Variants in BRPF3 observed in about 807,000 individuals in gnomAD.
BRPF3 encodes bromodomain and PHD finger containing 3.
Under a neutral mutation model 102.0 loss-of-function variants are expected in BRPF3, and 18 were observed. The ratio of observed to expected loss-of-function variants is 0.18; its 90% confidence interval spans 0.12 to 0.26. The LOEUF is 0.26. Ranked by LOEUF, BRPF3 falls within the 10% of genes least tolerant of loss-of-function variation. The pLI, the probability that BRPF3 is intolerant of heterozygous loss-of-function variation, is 1.00. For synonymous variants in BRPF3, 570 were observed against 614.2 expected (o/e 0.93, Z 1.06); for missense variants, 1,147 against 1,567.8 (o/e 0.73, Z 4.53).
chr6:36,212,955 G>A (rs756605061), intron 7 of BRPF3, among the ~76,000 whole-genome samples: 73 of 150,632 alleles, frequency 4.8e-4, no homozygotes, highest in Admixed American at 7.9e-4. Context: ...GCGAGACTCC[G>A]TCTCAAAAAA....
intron 3 of BRPF3, 85 bp from the exon 4 acceptor site, chr6:36,207,228 C>T: frequency 6.5e-7 from 1 of 1,533,888 alleles, no homozygotes; most frequent in Non-Finnish European, 8.8e-7. Context: ...AAGACTTTTA[C>T]CTGCTGCAGC....
chr6:36,201,604 G>A lies in BRPF3; in HGVS notation c.1282G>A (p.Glu428Lys). The change falls in exon 2 of 13, where the codon GAA becomes AAA. Residue 428 changes from glutamate to lysine, a missense_variant. Around this residue, in one of 11 missense-constraint regions of BRPF3, gnomAD observed 157 missense variants for 163.6 expected, o/e 0.96. Coordinates refer to ENST00000357641, the MANE Select transcript of BRPF3 (RefSeq NM_015695.3). This position sits in a 1 kb window ranked among gnomAD's most constrained non-coding sequence, Gnocchi z 5.1. ...GEEEEEEEVE[E>K]EEQEAQGGVS... Reference sequence around the variant, plus strand: ...GGAGGAAGAAGAGGAAGAGGTGGAGGAAGAAGAGCAGGAAGCTCAAGGCGG... The same window carrying A: ...GGAGGAAGAAGAGGAAGAGGTGGAGAAAGAAGAGCAGGAAGCTCAAGGCGG... The A allele has an allele frequency of 6.2e-7, 1 of 1,614,126 alleles. No individual in the cohort carries two copies.
Position 36,214,173 on chromosome 6 carries a change from C to T in BRPF3, c.2776C>T (p.Arg926Cys), listed in dbSNP as rs1768237752. 6 of 1,614,188 alleles carry T rather than the reference C, an allele frequency of 3.7e-6. No homozygotes were observed. The highest frequency in any genetic ancestry group is 5.1e-6 in the Non-Finnish European group (6 of 1,180,038). The change falls in exon 8 of 13, where the codon CGC (arginine) becomes TGC (cysteine). Residue 926 changes from arginine (R) to cysteine (C), a missense_variant. Arg to Cys is a radical substitution (Grantham distance 180). Around this residue, in one of 11 missense-constraint regions of BRPF3, gnomAD observed 379 missense variants for 426.3 expected, o/e 0.89. Transcript: ENST00000357641. ...AGTPLSGVGR[R>C]TSVLFKKAKN... ...TACCCCACTTAGTGGTGTGGGTCGC[C>T]GCACATCAGTCCTCTTCAAGAAGGC... is the stretch of plus-strand genomic sequence containing the variant.
chr6:36,208,221 GTGTCTACTGCACA>G (rs1315719248), intron 4 of BRPF3, among the ~76,000 whole-genome samples: 1 of 152,188 alleles, frequency 6.6e-6, no homozygotes, highest in Non-Finnish European at 1.5e-5. Flanking sequence ...CTTCTCTGAA[GTGTCTACTGCACA>G]TGGCAGAGAG....
chr6:36,204,346 C>T (rs1767828504), intron 2 of BRPF3: 1 of 360,960 alleles, frequency 2.8e-6, no homozygotes, highest in African/African-American at 2.1e-5. Flanking sequence ...GAGGCATAGG[C>T]TTGTTTTTCA....
chr6:36,212,946 C>T (rs1422571709), intron 7 of BRPF3, among the ~76,000 whole-genome samples: 4 of 150,310 alleles, frequency 2.7e-5, no homozygotes, highest in Non-Finnish European at 5.9e-5. Flanking sequence ...GGCGACAGAG[C>T]GAGACTCCGT....
intron 4 of BRPF3, among the ~76,000 whole-genome samples, 177 bp from the exon 5 acceptor site, chr6:36,209,610 G>A (rs768703230): frequency 2.6e-4 from 39 of 152,196 alleles, no homozygotes; most frequent in Non-Finnish European, 1.3e-4. Context: ...AATAGTAGCT[G>A]TTGGTGTCAT....
At chr6:36,218,706 G>A (rs1768422958) in intron 9 of BRPF3, among the ~76,000 whole-genome samples, 1 of 152,074 alleles carries the variant, frequency 6.6e-6, no homozygotes, top group Non-Finnish European at 1.5e-5. Context: ...TGATCTGCCC[G>A]CCGCAGCATC....
At chr6:36,205,488 A>G (rs540473453) in intron 3 of BRPF3, among the ~76,000 whole-genome samples, 1 of 152,212 alleles carries the variant, frequency 6.6e-6, no homozygotes, top group Non-Finnish European at 1.5e-5. Flanking sequence ...CTCCTGAAGT[A>G]TAAGCCTGTA....
rs1357450279 is a variant in BRPF3 at position 36,200,082 on chromosome 6, AAAGTGGTCAGAG to A, written c.-26-211_-26-200del. Among the ~76,000 whole-genome samples, 3 of 152,250 alleles carry A rather than the reference AAAGTGGTCAGAG, an allele frequency of 2.0e-5. No homozygotes were observed. Among genetic ancestry groups the A allele is most frequent in the African/African-American group, 7.2e-5 (3 of 41,468 alleles). The stretch of plus-strand genomic sequence containing the variant: ...AGGAAAAGGATTTGCAATTTTAGAT[AAAGTGGTCAGAG>A]AAGGTCTCACTGAGAAGTGTTGTTC... On this transcript the variant is annotated intron_variant, in intron 1 of 12. Transcript: ENST00000357641. The surrounding 1 kb of genome is among the most constrained non-coding windows in gnomAD (Gnocchi z 5.3).
chr6:36,230,218 C>T lies in BRPF3; in HGVS notation c.3435-208C>T, dbSNP rs1016265701. Among the ~76,000 whole-genome samples, 1 of 152,034 alleles carries T rather than the reference C, an allele frequency of 6.6e-6. No homozygotes were observed. The highest frequency in any genetic ancestry group is 2.4e-5 in the African/African-American group (1 of 41,402). ...CCTAGCTGCAAAATTGATTCCATGC[C>T]ATTCCCCCACCCGACTCCTGCATAT... On this transcript the variant is annotated intron_variant, in intron 12 of 12. Transcript: ENST00000357641. This position sits in a 1 kb window ranked among gnomAD's most constrained non-coding sequence, Gnocchi z 5.4.
At chr6:36,208,430 G>A (rs912947031) in intron 4 of BRPF3, among the ~76,000 whole-genome samples, 1 of 152,134 alleles carries the variant, frequency 6.6e-6, no homozygotes, top group African/African-American at 2.4e-5. Flanking sequence ...GAGTCCAGGA[G>A]TTTGAGATGA....
Position 36,210,547 on chromosome 6 carries a change from T to C in BRPF3, c.2179+19T>C. 6.4e-7 allele frequency: 1 copy of C among 1,564,284 alleles called. No individual in the cohort carries two copies. The highest frequency in any genetic ancestry group is 1.2e-5 in the South Asian group (1 of 85,112). On this transcript the variant is annotated intron_variant, in intron 6 of 12. Coordinates refer to ENST00000357641, the MANE Select transcript of BRPF3 (RefSeq NM_015695.3). The surrounding 1 kb of genome is among the most constrained non-coding windows in gnomAD (Gnocchi z 4.7). ...GAAGACGGTGAGAGGCCTGGATGGGTGGGGAGGAGAGGGGCCAGGAGGAGG... is the reference window on the plus strand; with the variant it reads ...GAAGACGGTGAGAGGCCTGGATGGGCGGGGAGGAGAGGGGCCAGGAGGAGG...
At chr6:36,205,480 C>T (rs555119241) in intron 3 of BRPF3, among the ~76,000 whole-genome samples, 9 of 152,296 alleles carry the variant, frequency 5.9e-5, no homozygotes, top group Admixed American at 5.9e-4. Context: ...TAACTAAACT[C>T]CTGAAGTATA....
chr6:36,201,737 C>G lies in BRPF3; in HGVS notation c.1415C>G (p.Pro472Arg). 5 of 1,611,654 alleles carry G rather than the reference C, an allele frequency of 3.1e-6. No homozygotes were observed. The highest frequency in any genetic ancestry group is 4.2e-6 in the Non-Finnish European group (5 of 1,178,666). ...GGCCAAGACACACCCTCCACTCTCC[C>G]CATGCTTGCTGTCCCACAGATACCC... ...EAGQDTPSTL[P>R]MLAVPQIPSY... is the part of the protein sequence containing the mutation. The change falls in exon 2 of 13, where the codon CCC (proline) becomes CGC (arginine). Residue 472 changes from proline (P) to arginine (R), a missense_variant. Physicochemically the swap from Pro to Arg is moderately radical, Grantham distance 103. Coordinates refer to ENST00000357641, the MANE Select transcript of BRPF3 (RefSeq NM_015695.3). The surrounding 1 kb of genome is among the most constrained non-coding windows in gnomAD (Gnocchi z 5.1).
In BRPF3 at chr6:36,196,874, A is replaced by G. The variant is rs1161993545; in HGVS notation, c.-123A>G. 1 of 151,500 alleles carries G rather than the reference A, an allele frequency of 6.6e-6. No individual in the cohort carries two copies. Among genetic ancestry groups the G allele is most frequent in the Non-Finnish European group, 1.5e-5 (1 of 67,594 alleles). 9.4% of individuals were successfully genotyped at this position (151,500 alleles called of 1,614,324 possible). A position where few individuals can be genotyped will look rare whatever the true frequency, so the allele number is the denominator to read the frequency against. On this transcript the variant is annotated 5_prime_UTR_variant, in exon 1 of 13. Coordinates refer to ENST00000357641, the MANE Select transcript of BRPF3 (RefSeq NM_015695.3). ...AGGCCACGGAGGCAGGCGCGGGAGA[A>G]GACCGCGCTCCGCTTCCCGGGCCGC...
chr6:36,209,697 A>C, intron 4 of BRPF3, 90 bp from the exon 5 acceptor site: 3 of 1,506,154 alleles, frequency 2.0e-6, no homozygotes, highest in Non-Finnish European at 2.7e-6. Context: ...TTGTTGTACA[A>C]GATTGGTAAA....
In BRPF3 at chr6:36,201,149, G is replaced by A; in HGVS notation, c.827G>A (p.Gly276Asp). 6.2e-7 allele frequency: 1 copy of A among 1,614,142 alleles called. No homozygotes were observed. Among genetic ancestry groups the A allele is most frequent in the Non-Finnish European group, 8.5e-7 (1 of 1,180,020 alleles). ...PVDCILCPNK[G>D]GAFKQTSDGH... is the part of the protein sequence containing the mutation. ...GATTGCATCCTTTGCCCCAATAAGG[G>A]TGGCGCCTTCAAACAGACCAGTGAT... The change falls in exon 2 of 13, where the codon GGT becomes GAT. Residue 276 changes from glycine to aspartate, a missense_variant. By Grantham distance (94) the Gly-to-Asp change is moderately conservative. Around this residue, in one of 11 missense-constraint regions of BRPF3, gnomAD observed 221 missense variants for 337.1 expected, o/e 0.66. Coordinates refer to ENST00000357641, the MANE Select transcript of BRPF3 (RefSeq NM_015695.3). The surrounding 1 kb of genome is among the most constrained non-coding windows in gnomAD (Gnocchi z 5.1).
chr6:36,207,587 C>A, intron 4 of BRPF3, 143 bp downstream of exon 4: 1 of 1,180,044 alleles, frequency 8.5e-7, no homozygotes, highest in Non-Finnish European at 1.2e-6. Flanking sequence ...GCTCCAAGAT[C>A]TGCCTACTTT....
Sources: allele counts gnomAD v4.1 joint callset (sites outside exome capture counted in the v4.1 genomes callset), GRCh38; gene constraint gnomAD v4.1.1; regional missense constraint gnomAD v4.1.1; non-coding constraint Gnocchi (gnomAD v3.1); transcripts MANE v1.5; gene names NCBI Gene and HGNC (gene_info 2026-07-23, HGNC 2026-07-21).